Variants in FGGY observed in about 807,000 individuals in gnomAD.
The protein encoded by FGGY is FGGY carbohydrate kinase domain-containing protein.
FGGY carries 72 observed loss-of-function variants against 71.3 expected under a neutral mutation model. The ratio of observed to expected loss-of-function variants is 1.01; its 90% CI spans 0.84 to 1.23. The LOEUF (loss-of-function observed/expected upper bound fraction) is 1.23. Among genes scored for constraint, FGGY ranks in the 50% most tolerant of loss-of-function variants. The pLI is 0.00. For missense variants in FGGY, 668 were observed against 682.3 expected (o/e 0.98, Z 0.23); for synonymous variants, 251 against 250.3 (o/e 1.00, Z -0.02).
chr1:59,657,833 G>A (rs2097235484), intron 11 of FGGY, among the ~76,000 whole-genome samples: 1 of 152,198 alleles, frequency 6.6e-6, no homozygotes, highest in South Asian at 2.1e-4. Flanking sequence ...TAAGTTTAGG[G>A]ATGGTGGAGG....
At chr1:59,407,719 A>G (rs2062978676) in intron 5 of FGGY, among the ~76,000 whole-genome samples, 1 of 152,160 alleles carries the variant, frequency 6.6e-6, no homozygotes, top group South Asian at 2.1e-4. Flanking sequence ...GGAATGCTAT[A>G]CAGCATTTTA....
chr1:59,335,942 T>C (rs1361816339), intron 2 of FGGY, among the ~76,000 whole-genome samples: 1 of 152,172 alleles, frequency 6.6e-6, no homozygotes, highest in East Asian at 1.9e-4. Context: ...TTTCTTCCAG[T>C]CTGTAGCTTG....
At chr1:59,743,289 T>C (rs1035084134) in intron 14 of FGGY, among the ~76,000 whole-genome samples, 6 of 152,206 alleles carry the variant, frequency 3.9e-5, no homozygotes, top group African/African-American at 1.2e-4. Context: ...TTCCATAAGT[T>C]TCCATAGTAG....
chr1:59,431,488 A>G (rs2067351211), intron 5 of FGGY, among the ~76,000 whole-genome samples: 1 of 152,202 alleles, frequency 6.6e-6, no homozygotes, highest in African/African-American at 2.4e-5. Context: ...CTTCTGTATT[A>G]TTAGGCTATA....
chr1:59,532,747 C>T (rs1001396117), intron 7 of FGGY, among the ~76,000 whole-genome samples: 1 of 151,722 alleles, frequency 6.6e-6, no homozygotes, highest in African/African-American at 2.4e-5. Context: ...ATTCTTACCA[C>T]GTTTATTCCA....
At chr1:59,308,061 T>G (rs1489862142) in intron 1 of FGGY, among the ~76,000 whole-genome samples, 3 of 152,166 alleles carry the variant, frequency 2.0e-5, no homozygotes, top group African/African-American at 7.2e-5. Flanking sequence ...CCAGCTTACC[T>G]CATCTCCATG....
Position 59,453,730 on chromosome 1 carries a change from C to T in FGGY, c.555-3231C>T, listed in dbSNP as rs564904052. On this transcript the variant is annotated intron_variant, in intron 5 of 15. Coordinates refer to ENST00000303721, the MANE Select transcript of FGGY (RefSeq NM_018291.5). ...GAGAACAAGCAGAAACACATAGAAT[C>T]TCTTGAGGCTCAGACTCGGAACTGG... Among the ~76,000 whole-genome samples the T allele has an allele frequency of 2.0e-5, 3 of 152,246 alleles. No homozygotes were observed. The South Asian group carries it at 6.2e-4, about 32-fold the overall frequency.
chr1:59,639,282 A>G (rs1409384502), intron 11 of FGGY, among the ~76,000 whole-genome samples: 1 of 152,220 alleles, frequency 6.6e-6, no homozygotes, highest in Non-Finnish European at 1.5e-5. Context: ...GGTTAGTTTT[A>G]TTGAGATTGT....
chr1:59,402,725 G>T (rs1353226063), intron 5 of FGGY, among the ~76,000 whole-genome samples: 1 of 152,156 alleles, frequency 6.6e-6, no homozygotes, highest in East Asian at 1.9e-4. Flanking sequence ...CAGCTCTGTG[G>T]TTCAGAGTGA....
intron 9 of FGGY, among the ~76,000 whole-genome samples, chr1:59,622,377 T>C (rs1244612653): frequency 2.0e-5 from 3 of 152,144 alleles, no homozygotes; most frequent in Non-Finnish European, 1.5e-5. Flanking sequence ...TGGGGTCATA[T>C]TTTGGACATT....
At chr1:59,715,387 G>T (rs550794216) in intron 14 of FGGY, among the ~76,000 whole-genome samples, 3 of 152,316 alleles carry the variant, frequency 2.0e-5, no homozygotes, top group Admixed American at 6.5e-5. Flanking sequence ...GCAAAAAGTT[G>T]TGTGCTTTCC....
At chr1:59,528,841 G>A (rs1353245421) in intron 7 of FGGY, among the ~76,000 whole-genome samples, 1 of 152,200 alleles carries the variant, frequency 6.6e-6, no homozygotes, top group Non-Finnish European at 1.5e-5. Context: ...CCAGTAATGT[G>A]GCTCTTCAAA....
intron 9 of FGGY, among the ~76,000 whole-genome samples, chr1:59,618,801 C>T (rs868850890): frequency 3.2e-4 from 48 of 151,912 alleles, no homozygotes; most frequent in African/African-American, 1.1e-3. Context: ...TTAACACCCT[C>T]AGTCTCTCAG....
chr1:59,388,326 T>A (rs2060312167), intron 5 of FGGY, among the ~76,000 whole-genome samples: 1 of 152,164 alleles, frequency 6.6e-6, no homozygotes, highest in African/African-American at 2.4e-5. Context: ...TTTAACACAG[T>A]GACCCTTAAA....
At chr1:59,309,803 C>T (rs1040248618) in intron 1 of FGGY, among the ~76,000 whole-genome samples, 6 of 152,036 alleles carry the variant, frequency 3.9e-5, no homozygotes, top group African/African-American at 2.4e-5. Flanking sequence ...TGGCAAAACC[C>T]TGTCTCTACT....
chr1:59,609,961 A>G (rs1052910521), intron 9 of FGGY, among the ~76,000 whole-genome samples: 1 of 152,226 alleles, frequency 6.6e-6, no homozygotes, highest in African/African-American at 2.4e-5. Flanking sequence ...GGTCTCAGTA[A>G]CCAGTGCTAG....
chr1:59,736,480 A>C (rs1221110248), intron 14 of FGGY, among the ~76,000 whole-genome samples: 1 of 152,122 alleles, frequency 6.6e-6, no homozygotes, highest in African/African-American at 2.4e-5. Context: ...TATGAACAAT[A>C]AAGTCCAAGC....
chr1:59,728,527 A>G (rs116615393), intron 14 of FGGY, among the ~76,000 whole-genome samples: 2,067 of 152,070 alleles, frequency 0.014, 30 homozygotes, highest in Non-Finnish European at 0.022. Flanking sequence ...TTTGACCTAT[A>G]TCATTTTCCT....
chr1:59,455,523 T>TAAA (rs2091597241), intron 5 of FGGY, among the ~76,000 whole-genome samples: 1 of 152,226 alleles, frequency 6.6e-6, no homozygotes, highest in Admixed American at 6.5e-5. Flanking sequence ...AAGGGTTCTT[T>TAAA]AAGCCCTGCT....
Sources: allele counts gnomAD v4.1 joint callset (sites outside exome capture counted in the v4.1 genomes callset), GRCh38; gene constraint gnomAD v4.1.1; transcripts MANE v1.5; gene names NCBI Gene and HGNC (gene_info 2026-07-23, HGNC 2026-07-21).